SYNPR: variants seen among roughly 807,000 people sequenced by gnomAD.
SYNPR encodes synaptoporin.
A neutral mutation model predicts 32.9 loss-of-function variants in SYNPR; 23 were observed. The ratio of observed to expected loss-of-function variants is 0.70; its 90% CI spans 0.50 to 0.99. The LOEUF (loss-of-function observed/expected upper bound fraction) is 0.99, where lower values mean the gene tolerates loss of function less well. SYNPR is among the 50% of genes least tolerant of loss of function. The pLI is 0.00. For missense variants in SYNPR, 318 were observed against 349.3 expected (o/e 0.91, Z 0.71); for synonymous variants, 146 against 135.9 (o/e 1.07, Z -0.52).
chr3:63,254,014 G>T (rs1294415595), intron 2 of SYNPR, among the ~76,000 whole-genome samples: 3 of 152,126 alleles, frequency 2.0e-5, no homozygotes, highest in African/African-American at 7.2e-5. Context: ...CCTGTCCTTT[G>T]TAGGGACATG....
At chr3:63,376,240 T>C (rs564903905) in intron 2 of SYNPR, among the ~76,000 whole-genome samples, 94 of 152,346 alleles carry the variant, frequency 6.2e-4, no homozygotes, top group Admixed American at 8.5e-4. Context: ...TTTAAACTTC[T>C]GGTTTTACCT....
chr3:63,416,834 C>A (rs1575633393), intron 2 of SYNPR, among the ~76,000 whole-genome samples: 1 of 152,068 alleles, frequency 6.6e-6, no homozygotes, highest in East Asian at 1.9e-4. Flanking sequence ...AAGAACAGCA[C>A]AGGAAAAACC....
At chr3:63,437,075 T>A (rs1329584821) in intron 2 of SYNPR, among the ~76,000 whole-genome samples, 1 of 152,004 alleles carries the variant, frequency 6.6e-6, no homozygotes, top group African/African-American at 2.4e-5. Context: ...TGGGGTTTCA[T>A]CATGTTAGCC....
chr3:63,378,159 T>A (rs1382537345), intron 2 of SYNPR, among the ~76,000 whole-genome samples: 1 of 151,946 alleles, frequency 6.6e-6, no homozygotes, highest in Admixed American at 6.6e-5. Context: ...TGATCTAGTA[T>A]AATATTTTGT....
At chr3:63,304,354 TTGTGTGTGTG>T (rs34570930) in intron 2 of SYNPR, among the ~76,000 whole-genome samples, 7 of 146,522 alleles carry the variant, frequency 4.8e-5, no homozygotes, top group Non-Finnish European at 9.1e-5. Context: ...GTGTGTGTGT[TTGTGTGTGTG>T]TGTGTGTGTG....
At chr3:63,512,684 G>A (rs1273589170) in intron 3 of SYNPR, among the ~76,000 whole-genome samples, 2 of 152,136 alleles carry the variant, frequency 1.3e-5, no homozygotes, top group African/African-American at 2.4e-5. Context: ...TGAAATGTGG[G>A]TGGCCTCTGG....
At chr3:63,540,962 T>A in intron 3 of SYNPR, among the ~76,000 whole-genome samples, 1 of 94,956 alleles carries the variant, frequency 1.1e-5, no homozygotes, top group African/African-American at 4.6e-5. Flanking sequence ...CACACACACA[T>A]ATACATAGTA....
At chr3:63,523,528 TA>T (rs1701951213) in intron 3 of SYNPR, among the ~76,000 whole-genome samples, 1 of 152,004 alleles carries the variant, frequency 6.6e-6, no homozygotes, top group South Asian at 2.1e-4. Flanking sequence ...TCACCAAAGG[TA>T]GTAACCATCA....
chr3:63,452,853 A>T (rs1700404412), intron 2 of SYNPR, among the ~76,000 whole-genome samples: 1 of 152,162 alleles, frequency 6.6e-6, no homozygotes, highest in Non-Finnish European at 1.5e-5. Context: ...CCTGGTAAAT[A>T]CTGGTAAAAT....
chr3:63,605,720 C>G (rs1454334484), intron 4 of SYNPR, among the ~76,000 whole-genome samples: 1 of 152,160 alleles, frequency 6.6e-6, no homozygotes, highest in Non-Finnish European at 1.5e-5. Flanking sequence ...GGAAAGAAAG[C>G]ATCATGATAC....
chr3:63,479,493 T>G (rs1364736041), intron 2 of SYNPR, among the ~76,000 whole-genome samples: 1 of 150,846 alleles, frequency 6.6e-6, no homozygotes, highest in Non-Finnish European at 1.5e-5. Context: ...AATATTGCTT[T>G]GCCTGTGAAG....
At chr3:63,268,219 C>A (rs1202073584) in intron 3 of SYNPR, among the ~76,000 whole-genome samples, 2 of 152,200 alleles carry the variant, frequency 1.3e-5, no homozygotes, top group South Asian at 4.1e-4. Context: ...TCATAGATGA[C>A]ATGAGGAAAT....
chr3:63,224,630 A>G (rs1317596010), upstream of SYNPR, among the ~76,000 whole-genome samples: 4 of 152,218 alleles, frequency 2.6e-5, no homozygotes, highest in African/African-American at 9.6e-5. Context: ...CATAGCACAG[A>G]GTCTGTGCCT....
In SYNPR at chr3:63,365,244, C is replaced by T. The variant is rs1387888976; in HGVS notation, c.84+86502C>T. Reference sequence around the variant, plus strand: ...CCTCTCAGACTCTACCAAATGACATCATAACTTTGAAGGTTGTGTTCAACA... The same window carrying T: ...CCTCTCAGACTCTACCAAATGACATTATAACTTTGAAGGTTGTGTTCAACA... On this transcript the variant is annotated intron_variant, in intron 2 of 5. Coordinates refer to ENST00000478300, the MANE Select transcript of SYNPR (RefSeq NM_001130003.2). 3.3e-5 allele frequency among the ~76,000 whole-genome samples: 5 copies of T among 152,206 alleles called. No homozygotes were observed. The East Asian group carries it at 9.7e-4, about 29-fold the overall frequency.
intron 2 of SYNPR, among the ~76,000 whole-genome samples, chr3:63,307,474 A>T (rs1189113877): frequency 1.3e-5 from 2 of 152,024 alleles, no homozygotes; most frequent in African/African-American, 2.4e-5. Context: ...GAAGCTGTGT[A>T]ATAATAATAC....
intron 2 of SYNPR, among the ~76,000 whole-genome samples, chr3:63,477,983 C>T (rs929493034): frequency 3.3e-5 from 5 of 152,138 alleles, no homozygotes; most frequent in African/African-American, 9.7e-5. Flanking sequence ...TCAGCCTGTT[C>T]GTTGATCAAA....
chr3:63,473,014 C>A (rs571384899), intron 2 of SYNPR, among the ~76,000 whole-genome samples: 16 of 152,244 alleles, frequency 1.1e-4, no homozygotes, highest in Middle Eastern at 6.8e-3. Flanking sequence ...CCATACCTGA[C>A]ATATTTCTGC....
chr3:63,492,906 G>GA (rs1701282396), intron 3 of SYNPR, among the ~76,000 whole-genome samples: 1 of 151,998 alleles, frequency 6.6e-6, no homozygotes, highest in Non-Finnish European at 1.5e-5. Flanking sequence ...GAGTTGCCTA[G>GA]AAAAGGACAA....
At chr3:63,295,119 C>G (rs2086781642) in intron 2 of SYNPR, among the ~76,000 whole-genome samples, 2 of 152,022 alleles carry the variant, frequency 1.3e-5, no homozygotes, top group Admixed American at 1.3e-4. Flanking sequence ...TTCCTGACCA[C>G]ACTTGCAATT....
Sources: allele counts gnomAD v4.1 joint callset (sites outside exome capture counted in the v4.1 genomes callset), GRCh38; gene constraint gnomAD v4.1.1; transcripts MANE v1.5; gene names NCBI Gene and HGNC (gene_info 2026-07-23, HGNC 2026-07-21).